ZNHIT1: variants seen among roughly 807,000 people sequenced by gnomAD.
ZNHIT1 encodes zinc finger HIT domain-containing protein 1.
ZNHIT1 carries 20 observed loss-of-function variants against 21.4 expected under a neutral mutation model. The observed-to-expected ratio is 0.93, with a 90% CI of 0.66 to 1.36. The LOEUF is 1.36. Ranked by LOEUF, ZNHIT1 falls within the 40% of genes most tolerant of loss-of-function variation. The pLI is 0.00. For synonymous variants in ZNHIT1, 79 were observed against 84.0 expected (o/e 0.94, Z 0.32); for missense variants, 170 against 213.5 (o/e 0.80, Z 1.27).
Position 101,223,726 on chromosome 7 carries a change from A to G in ZNHIT1, c.327A>G (p.Pro109=), listed in dbSNP as rs767567790. ...PNYLTACAGP[P]SRPQRPFCAV... The stretch of plus-strand genomic sequence containing the variant: ...ACCTGACGGCCTGTGCGGGACCCCC[A>G]TCGCGGCCCCAGCGCCCCTTCTGTG... The change falls in exon 4 of 5, where the codon CCA becomes CCG. Residue 109 remains proline, a synonymous_variant. Coordinates refer to ENST00000305105, the MANE Select transcript of ZNHIT1 (RefSeq NM_006349.3). The G allele has an allele frequency of 5.6e-6, 9 of 1,613,348 alleles. No individual in the cohort carries two copies. Among genetic ancestry groups the G allele is most frequent in the Non-Finnish European group, 5.9e-6 (7 of 1,179,796 alleles).
At chr7:101,219,889 C>T (rs1798343364) in intron 1 of ZNHIT1, 1 of 152,202 alleles carries the variant, frequency 6.6e-6, no homozygotes, top group Non-Finnish European at 1.5e-5. Flanking sequence ...TACTCCAAGG[C>T]CAGGTTGGGT....
intron 2 of ZNHIT1, 24 bp downstream of exon 2, chr7:101,222,798 G>C: frequency 8.1e-6 from 13 of 1,609,266 alleles, no homozygotes; most frequent in African/African-American, 1.3e-5. Flanking sequence ...AGGAGGAAGC[G>C]GGGGATGGGA....
At chr7:101,223,610 C>T (rs375861918) in intron 3 of ZNHIT1, 54 bp downstream of exon 3, 239 of 1,613,552 alleles carry the variant, frequency 1.5e-4, no homozygotes, top group Admixed American at 3.3e-4. Context: ...GAGCCTGGCC[C>T]GGGCAGGTGT....
chr7:101,220,593 G>T (rs1798353711), intron 1 of ZNHIT1: 1 of 152,208 alleles, frequency 6.6e-6, no homozygotes, highest in Admixed American at 6.5e-5. Context: ...GCAAAGAGCT[G>T]AGCACGTGCC....
chr7:101,222,496 A>C, intron 1 of ZNHIT1, 108 bp from the exon 2 acceptor site: 1 of 1,331,882 alleles, frequency 7.5e-7, no homozygotes, highest in Non-Finnish European at 1.0e-6. Flanking sequence ...GGATGAGATC[A>C]GAGAGCTGCA....
At chr7:101,219,250 G>A (rs1244905423) in intron 1 of ZNHIT1, 2 of 151,976 alleles carry the variant, frequency 1.3e-5, no homozygotes, top group African/African-American at 2.4e-5. Flanking sequence ...ACTACAGGTG[G>A]GTGCAGGCCA....
rs990007818 is a variant in ZNHIT1, at chr7:101,223,552, A to G, written c.269A>G (p.Glu90Gly). Residue 90 changes from glutamate (E) to glycine (G), a missense_variant, in exon 3 of 5, where the codon GAG (glutamate) becomes GGG (glycine). By Grantham distance (98) the Glu-to-Gly change is moderately conservative (BLOSUM62 -2). Coordinates refer to ENST00000305105, the MANE Select transcript of ZNHIT1 (RefSeq NM_006349.3). The part of the protein sequence containing the change: ...FRKNFQALLE[E>G]QNLSVAEGPN... ...AAAAACTTTCAGGCCCTGTTGGAGG[A>G]GCAGGTGAGAGGAGGGTCGGCCTGG... The G allele has an allele frequency of 1.2e-6, 2 of 1,614,170 alleles. No homozygotes were observed. The highest frequency in any genetic ancestry group is 1.7e-5 in the Admixed American group (1 of 60,016).
intron 1 of ZNHIT1, 143 bp downstream of exon 1, chr7:101,218,360 A>G (rs1798319895): frequency 1.1e-6 from 1 of 881,440 alleles, no homozygotes; most frequent in South Asian, 1.8e-5. Flanking sequence ...TGCAGCCTCG[A>G]TTTCCTGGGA....
intron 3 of ZNHIT1, 41 bp downstream of exon 3, chr7:101,223,597 G>A (rs944571542): frequency 2.5e-6 from 4 of 1,613,998 alleles, no homozygotes; most frequent in Non-Finnish European, 3.4e-6. Context: ...ACAGGGAAGG[G>A]GTGAGCCTGG....
chr7:101,222,590 C>T lies in ZNHIT1; in HGVS notation c.23-14C>T, dbSNP rs778605410. ...TTGGAAGCCCTGTAACTTTGCGTGC[C>T]CTGCTCCATCCAGTTCGCTCCCAGG... On this transcript the variant is annotated splice_polypyrimidine_tract_variant and intron_variant, in intron 1 of 4. Coordinates refer to ENST00000305105, the MANE Select transcript of ZNHIT1 (RefSeq NM_006349.3). The T allele has an allele frequency of 6.2e-7, 1 of 1,608,698 alleles. No individual in the cohort carries two copies. The highest frequency in any genetic ancestry group is 1.1e-5 in the South Asian group (1 of 90,746).
intron 2 of ZNHIT1, among the ~76,000 whole-genome samples, chr7:101,223,204 T>C (rs1798401483): frequency 6.6e-6 from 1 of 152,148 alleles, no homozygotes; most frequent in Admixed American, 6.5e-5. Flanking sequence ...AAACCCCATC[T>C]CTACTAAAAA....
intron 1 of ZNHIT1, chr7:101,221,076 C>A (rs1798362196): frequency 6.6e-6 from 1 of 151,972 alleles, no homozygotes; most frequent in Non-Finnish European, 1.5e-5. Context: ...AAAATAACTT[C>A]TAGGTTTCTG....
chr7:101,224,040 G>A lies in ZNHIT1; in HGVS notation c.*82G>A. 1.9e-6 allele frequency: 3 copies of A among 1,601,792 alleles called. No homozygotes were observed. Among genetic ancestry groups the A allele is most frequent in the African/African-American group, 1.3e-5 (1 of 74,872 alleles). ...CAGAATTTCATCACCCAATGCAGGG[G>A]GAGCTCTTCCTGGACCAAGGGAGGA... On this transcript the variant is annotated 3_prime_UTR_variant, in exon 5 of 5. Coordinates refer to ENST00000305105, the MANE Select transcript of ZNHIT1 (RefSeq NM_006349.3).
In ZNHIT1 at chr7:101,223,920, T is replaced by C. The variant is rs1798413266; in HGVS notation, c.444-17T>C. 2 of 1,614,144 alleles carry C rather than the reference T, an allele frequency of 1.2e-6. No homozygotes were observed. Among genetic ancestry groups the C allele is most frequent in the East Asian group, 4.5e-5 (2 of 44,870 alleles). On this transcript the variant is annotated splice_polypyrimidine_tract_variant and intron_variant, in intron 4 of 4. Coordinates refer to ENST00000305105, the MANE Select transcript of ZNHIT1 (RefSeq NM_006349.3). The stretch of plus-strand genomic sequence containing the variant: ...CAGACCTCTCTCCCCTCATCCTGGC[T>C]TCCCCTCTGTCTGCAGGTGTCTGAA...
At chr7:101,218,331 T>A in intron 1 of ZNHIT1, 114 bp downstream of exon 1, 1 of 1,208,210 alleles carries the variant, frequency 8.3e-7, no homozygotes, top group Non-Finnish European at 1.2e-6. Context: ...TGGAGTGCAG[T>A]GGCATAGTCA....
chr7:101,220,250 G>T (rs1798349788), intron 1 of ZNHIT1: 1 of 151,230 alleles, frequency 6.6e-6, no homozygotes, highest in Non-Finnish European at 1.5e-5. Context: ...CTCCTGAATA[G>T]CTGGGACTAC....
intron 1 of ZNHIT1, chr7:101,218,607 C>T: frequency 4.4e-6 from 1 of 226,748 alleles, no homozygotes; most frequent in Non-Finnish European, 8.7e-6. Flanking sequence ...CTTCCTCAGC[C>T]CTCGGGTCCT....
rs1411935754 is a variant in ZNHIT1, at chr7:101,224,104, A to G, written c.*146A>G. The G allele has an allele frequency of 8.0e-7, 1 of 1,249,952 alleles. No individual in the cohort carries two copies. The highest frequency in any genetic ancestry group is 2.4e-5 in the East Asian group (1 of 42,326). The allele number at this position is 1,249,952 out of a possible 1,614,324, so 77.4% of individuals were successfully genotyped here. A position where few individuals can be genotyped will look rare whatever the true frequency, so the allele number is the denominator to read the frequency against. ...CCAACAAAACTGTGTCTTATCTGCCAGGAAAGACCAGCCTCACTCCTGGGA... is the reference window on the plus strand; with the variant it reads ...CCAACAAAACTGTGTCTTATCTGCCGGGAAAGACCAGCCTCACTCCTGGGA... On this transcript the variant is annotated 3_prime_UTR_variant, in exon 5 of 5. Coordinates refer to ENST00000305105, the MANE Select transcript of ZNHIT1 (RefSeq NM_006349.3).
rs1798415003 is a variant in ZNHIT1, at chr7:101,224,024, A to G, written c.*66A>G. On this transcript the variant is annotated 3_prime_UTR_variant, in exon 5 of 5. Transcript: ENST00000305105. ...CCGGCCTTCAGAAAGACAGAATTTC[A>G]TCACCCAATGCAGGGGGAGCTCTTC... The G allele has an allele frequency of 1.2e-6, 2 of 1,611,494 alleles. No individual in the cohort carries two copies. The highest frequency in any genetic ancestry group is 1.3e-5 in the African/African-American group (1 of 74,880).
Sources: gnomAD v4.1 joint callset for allele counts (sites outside exome capture counted in the v4.1 genomes callset) on GRCh38, gnomAD v4.1.1 for gene constraint, MANE v1.5 for transcripts, NCBI Gene and HGNC (gene_info 2026-07-23, HGNC 2026-07-21) for gene names.